AXDND1: variants seen among roughly 807,000 people sequenced by gnomAD.
The protein encoded by AXDND1 is axonemal dynein light chain domain-containing protein 1.
A neutral mutation model predicts 137.5 loss-of-function variants in AXDND1; 110 were observed. The observed-to-expected ratio is 0.80, with a 90% CI of 0.69 to 0.94. The LOEUF is 0.94. AXDND1 is among the 40% of genes least tolerant of loss of function. The pLI, the probability that AXDND1 is intolerant of heterozygous loss-of-function variation, is 0.00. For missense variants in AXDND1, 1,191 were observed against 1,169.8 expected (o/e 1.02, Z -0.26); for synonymous variants, 414 against 399.7 (o/e 1.04, Z -0.43).
At chr1:179,390,447 G>GT (rs1271880702) in intron 9 of AXDND1, among the ~76,000 whole-genome samples, 1 of 152,092 alleles carries the variant, frequency 6.6e-6, no homozygotes, top group East Asian at 1.9e-4. Context: ...AAAGATTTTT[G>GT]TTTGTGTTTA....
Position 179,468,585 on chromosome 1 carries a change from T to C in AXDND1, c.1941T>C (p.Asp647=), listed in dbSNP as rs1468257310. Reference sequence around the variant, plus strand: ...TTAATGAAATGAAATCACACTTGGATATATTGTTAAACCTTACTGGTATTG... The same window carrying C: ...TTAATGAAATGAAATCACACTTGGACATATTGTTAAACCTTACTGGTATTG... ...EKINEMKSHL[D]ILLNLTGIVP... Residue 647 remains aspartate (D), a synonymous_variant, in exon 17 of 26, where the codon GAT becomes GAC. Coordinates refer to ENST00000367618, the MANE Select transcript of AXDND1 (RefSeq NM_144696.6). 2 of 1,612,680 alleles carry C rather than the reference T, an allele frequency of 1.2e-6. No individual in the cohort carries two copies. The highest frequency in any genetic ancestry group is 2.7e-5 in the African/African-American group (2 of 74,884).
intron 13 of AXDND1, among the ~76,000 whole-genome samples, chr1:179,429,902 T>C (rs1657127537): frequency 6.7e-6 from 1 of 150,208 alleles, no homozygotes; most frequent in Admixed American, 6.7e-5. Flanking sequence ...TAAATAGCTG[T>C]GTTTTTTGAA....
At chr1:179,552,588 G>A in intron 25 of AXDND1, 1 of 1,609,484 alleles carries the variant, frequency 6.2e-7, no homozygotes, top group Non-Finnish European at 8.5e-7. Flanking sequence ...CTGGGTGGGA[G>A]GATGGAGTGC....
chr1:179,472,878 T>C (rs1231106306), intron 17 of AXDND1, among the ~76,000 whole-genome samples: 1 of 152,194 alleles, frequency 6.6e-6, no homozygotes, highest in African/African-American at 2.4e-5. Flanking sequence ...CTTTTGCTTT[T>C]AATGTATTTG....
chr1:179,518,587 T>C (rs2125667842), intron 21 of AXDND1, among the ~76,000 whole-genome samples: 1 of 152,308 alleles, frequency 6.6e-6, no homozygotes, highest in East Asian at 1.9e-4. Context: ...TTCCCCTTTG[T>C]GTGTCCATGT....
At chr1:179,443,458 A>C (rs1372716067) in intron 15 of AXDND1, among the ~76,000 whole-genome samples, 1 of 152,154 alleles carries the variant, frequency 6.6e-6, no homozygotes, top group Non-Finnish European at 1.5e-5. Context: ...AGTTGCCCTA[A>C]ATATATTTAT....
At chr1:179,395,490 G>T (rs1014876423) in intron 11 of AXDND1, among the ~76,000 whole-genome samples, 3 of 152,116 alleles carry the variant, frequency 2.0e-5, no homozygotes, top group African/African-American at 7.2e-5. Flanking sequence ...GAAACAGTGA[G>T]CATAGATAAC....
intron 19 of AXDND1, 92 bp from the exon 20 acceptor site, chr1:179,492,763 T>G: frequency 1.2e-6 from 1 of 807,876 alleles, no homozygotes; most frequent in Non-Finnish European, 1.9e-6. Flanking sequence ...TTTTTAAAAT[T>G]TTAAACACTT....
intron 15 of AXDND1, among the ~76,000 whole-genome samples, chr1:179,441,012 A>C (rs1007819897): frequency 1.3e-5 from 2 of 152,148 alleles, no homozygotes; most frequent in African/African-American, 4.8e-5. Context: ...GCCATCAATA[A>C]AATAAGTTTG....
chr1:179,457,237 G>C (rs1661538290), intron 16 of AXDND1: 1 of 712,904 alleles, frequency 1.4e-6, no homozygotes, highest in African/African-American at 1.7e-5. Context: ...TGCTCAAAAT[G>C]GCTTCTCAGG....
intron 11 of AXDND1, among the ~76,000 whole-genome samples, chr1:179,398,284 C>T (rs1186431623): frequency 6.6e-6 from 1 of 152,156 alleles, no homozygotes; most frequent in Non-Finnish European, 1.5e-5. Flanking sequence ...AACTCCTGGA[C>T]CGTGTACTCC....
At chr1:179,373,114 C>G (rs1230464229) in intron 4 of AXDND1, among the ~76,000 whole-genome samples, 1 of 152,152 alleles carries the variant, frequency 6.6e-6, no homozygotes, top group Admixed American at 6.5e-5. Context: ...AATTACATTT[C>G]CAACACATGA....
chr1:179,423,772 C>T (rs569909520), intron 12 of AXDND1, among the ~76,000 whole-genome samples: 4 of 152,250 alleles, frequency 2.6e-5, no homozygotes, highest in Admixed American at 2.6e-4. Flanking sequence ...TAGTTATTTG[C>T]ATTTACATAT....
intron 11 of AXDND1, among the ~76,000 whole-genome samples, chr1:179,401,813 A>G (rs1269521222): frequency 2.0e-5 from 3 of 151,920 alleles, no homozygotes; most frequent in Non-Finnish European, 4.4e-5. Flanking sequence ...ACCTTCCACC[A>G]TGATTGTGAG....
intron 4 of AXDND1, among the ~76,000 whole-genome samples, chr1:179,374,943 A>G (rs1488295289): frequency 1.3e-5 from 2 of 152,038 alleles, no homozygotes; most frequent in South Asian, 4.1e-4. Flanking sequence ...AAACCTGCAC[A>G]TTGTGCACAT....
At chr1:179,385,796 T>C (rs1247807420) in intron 9 of AXDND1, among the ~76,000 whole-genome samples, 1 of 152,204 alleles carries the variant, frequency 6.6e-6, no homozygotes, top group East Asian at 1.9e-4. Flanking sequence ...AAGATTGGAT[T>C]GTTTGGATAA....
intron 12 of AXDND1, among the ~76,000 whole-genome samples, chr1:179,423,734 ACT>A (rs1321713656): frequency 2.6e-5 from 4 of 151,814 alleles, no homozygotes; most frequent in Non-Finnish European, 5.9e-5. Context: ...ATACGCTTTA[ACT>A]CTATTCTCCT....
intron 25 of AXDND1, chr1:179,546,367 A>G (rs1672647055): frequency 6.6e-6 from 1 of 151,660 alleles, no homozygotes; most frequent in Admixed American, 6.6e-5. Flanking sequence ...TGCTCTCTGC[A>G]AGTTAGCCTG....
At chr1:179,466,203 G>C (rs555931490) in intron 16 of AXDND1, among the ~76,000 whole-genome samples, 1 of 151,934 alleles carries the variant, frequency 6.6e-6, no homozygotes, top group Non-Finnish European at 1.5e-5. Context: ...CATTGCTCAC[G>C]CTGGGAGCTG....
Sources: gnomAD v4.1 joint callset for allele counts (sites outside exome capture counted in the v4.1 genomes callset) on GRCh38, gnomAD v4.1.1 for gene constraint, MANE v1.5 for transcripts, NCBI Gene and HGNC (gene_info 2026-07-23, HGNC 2026-07-21) for gene names.